Variants in IQGAP1 observed in about 807,000 individuals in gnomAD.
IQGAP1 encodes ras GTPase-activating-like protein IQGAP1.
IQGAP1 carries 66 observed loss-of-function variants against 215.6 expected under a neutral mutation model. The ratio of observed to expected loss-of-function variants is 0.31; its 90% CI spans 0.25 to 0.38. IQGAP1 has a LOEUF of 0.38. Among genes scored for constraint, IQGAP1 ranks in the 10% least tolerant of loss-of-function variants. The probability of loss-of-function intolerance (pLI) is 1.00; values close to 1 mark genes in which losing one functional copy is unlikely to be tolerated. For missense variants in IQGAP1, 1,712 were observed against 1,997.1 expected, an observed-to-expected ratio of 0.86 and a Z score of 2.72; for synonymous variants, 772 against 728.7, an observed-to-expected ratio of 1.06 and a Z score of -0.96.
At chr15:90,399,503 A>G (rs899976599) in intron 2 of IQGAP1, among the ~76,000 whole-genome samples, 1 of 151,992 alleles carries the variant, frequency 6.6e-6, no homozygotes, top group Non-Finnish European at 1.5e-5. Flanking sequence ...TGCTACAAAC[A>G]TTTTCCCTTG....
At position 90,406,210 on chromosome 15, in the gene IQGAP1, C is replaced by T. The variant is rs139182299; in HGVS notation, c.155+15337C>T. 8.5e-5 allele frequency among the ~76,000 whole-genome samples: 13 copies of T among 152,230 alleles called. No individual in the cohort carries two copies. In the East Asian group the frequency reaches 1.4e-3, roughly 16 times the overall value. ...AGATGCATAACTTATGAACACTTAGCGAGAAAAGTGATGCTTGGGAGCCAA... is the reference window on the plus strand; with the variant it reads ...AGATGCATAACTTATGAACACTTAGTGAGAAAAGTGATGCTTGGGAGCCAA... On this transcript the variant is annotated intron_variant, in intron 2 of 37. Transcript: ENST00000268182.
At chr15:90,409,202 CT>C (rs1414750306) in intron 2 of IQGAP1, among the ~76,000 whole-genome samples, 1 of 148,196 alleles carries the variant, frequency 6.7e-6, no homozygotes, top group Non-Finnish European at 1.5e-5. Flanking sequence ...GTTTTCCCCT[CT>C]TTGTTCTTTC....
intron 28 of IQGAP1, chr15:90,482,870 T>G: frequency 3.3e-6 from 1 of 298,956 alleles, no homozygotes; most frequent in Non-Finnish European, 5.1e-6. Context: ...GAACTTGGCC[T>G]TTGAAGTCTG....
chr15:90,444,279 G>A (rs201239133), intron 9 of IQGAP1, among the ~76,000 whole-genome samples: 1,786 of 72,900 alleles, frequency 0.024, 19 homozygotes, highest in African/African-American at 0.067. Context: ...GTGTGTGTGT[G>A]TATATATATA....
At chr15:90,485,986 G>T in intron 30 of IQGAP1, 44 bp from the exon 31 acceptor site, 1 of 1,430,488 alleles carries the variant, frequency 7.0e-7, no homozygotes, top group South Asian at 1.2e-5. Context: ...GGGACGGGCT[G>T]AAGAGTTGAA....
At chr15:90,482,372 G>T in intron 28 of IQGAP1, 91 bp downstream of exon 28, 1 of 1,208,510 alleles carries the variant, frequency 8.3e-7, no homozygotes, top group South Asian at 1.2e-5. Flanking sequence ...CTGCCTAAGT[G>T]TAGGTTCTGG....
chr15:90,455,848 C>T (rs750959823), intron 14 of IQGAP1, among the ~76,000 whole-genome samples: 1 of 152,182 alleles, frequency 6.6e-6, no homozygotes, highest in African/African-American at 2.4e-5. Context: ...TTACACATTC[C>T]AGTGTACCTG....
chr15:90,487,384 T>C, intron 32 of IQGAP1, 111 bp from the exon 33 acceptor site: 1 of 782,852 alleles, frequency 1.3e-6, no homozygotes, highest in East Asian at 2.6e-5. Flanking sequence ...AGCTGCCGCT[T>C]GGGACTTCTG....
At chr15:90,395,329 GT>G (rs960382150) in intron 2 of IQGAP1, among the ~76,000 whole-genome samples, 1 of 148,656 alleles carries the variant, frequency 6.7e-6, no homozygotes, top group African/African-American at 2.5e-5. Context: ...TTGTTTTTTT[GT>G]TTTTTTTTGA....
intron 34 of IQGAP1, among the ~76,000 whole-genome samples, chr15:90,492,105 TGGG>T (rs1383831057): frequency 6.6e-6 from 1 of 152,056 alleles, no homozygotes; most frequent in African/African-American, 2.4e-5. Flanking sequence ...AAGATACAAA[TGGG>T]GGAAGAAAAT....
intron 18 of IQGAP1, among the ~76,000 whole-genome samples, chr15:90,468,232 A>C (rs1283854902): frequency 1.3e-5 from 2 of 151,948 alleles, no homozygotes; most frequent in Non-Finnish European, 2.9e-5. Context: ...CACCTGGCTA[A>C]TTTTGTAATT....
intron 15 of IQGAP1, among the ~76,000 whole-genome samples, chr15:90,461,621 T>G (rs1254513945): frequency 1.3e-5 from 2 of 151,976 alleles, no homozygotes; most frequent in Non-Finnish European, 2.9e-5. Flanking sequence ...GGCGGATCAC[T>G]TGAGGTCAGG....
chr15:90,488,268 T>TAAATAAAA, intron 33 of IQGAP1, among the ~76,000 whole-genome samples: 1 of 121,412 alleles, frequency 8.2e-6, no homozygotes, highest in South Asian at 2.5e-4. Flanking sequence ...AAATAAAATG[T>TAAATAAAA]TGTAGTATTT....
intron 1 of IQGAP1, 29 bp from the exon 2 acceptor site, chr15:90,390,745 G>C (rs764740645): frequency 3.2e-5 from 45 of 1,417,746 alleles, no homozygotes; most frequent in Non-Finnish European, 1.9e-5. Context: ...ACAGATCCTG[G>C]TGTTTACATT....
chr15:90,447,360 T>G (rs1965540714), intron 9 of IQGAP1, among the ~76,000 whole-genome samples: 2 of 152,208 alleles, frequency 1.3e-5, no homozygotes, highest in Admixed American at 6.5e-5. Context: ...ATAGTTCTAG[T>G]CTCCTCATTG....
At chr15:90,497,471 G>A (rs954950848) in intron 37 of IQGAP1, 131 bp downstream of exon 37, 14 of 587,136 alleles carry the variant, frequency 2.4e-5, no homozygotes, top group African/African-American at 1.5e-4. Flanking sequence ...TCCACACTGC[G>A]GGGAAAGAAG....
At chr15:90,410,498 A>C (rs1004794849) in intron 2 of IQGAP1, among the ~76,000 whole-genome samples, 5 of 152,196 alleles carry the variant, frequency 3.3e-5, no homozygotes, top group African/African-American at 1.2e-4. Context: ...ATGGAATACT[A>C]TGAAGCCATA....
At position 90,472,953 on chromosome 15, in the gene IQGAP1, A is replaced by G. The variant is rs1376262293; in HGVS notation, c.2292A>G (p.Glu764=). 2 of 1,614,126 alleles carry G rather than the reference A, an allele frequency of 1.2e-6. No individual in the cohort carries two copies. The highest frequency in any genetic ancestry group is 1.7e-6 in the Non-Finnish European group (2 of 1,179,986). Reference sequence around the variant, plus strand: ...GCCGTGGATACTTAGTTCGACAGGAATTCCGATCCAGGATGAATTTCCTGA... The same window carrying G: ...GCCGTGGATACTTAGTTCGACAGGAGTTCCGATCCAGGATGAATTTCCTGA... ...ARCRGYLVRQ[E]FRSRMNFLKK... is the part of the protein sequence containing the mutation. The change falls in exon 19 of 38, where the codon GAA becomes GAG. Residue 764 remains glutamate, a synonymous_variant. Coordinates refer to ENST00000268182, the MANE Select transcript of IQGAP1 (RefSeq NM_003870.4).
intron 2 of IQGAP1, among the ~76,000 whole-genome samples, chr15:90,411,260 T>G (rs1964961338): frequency 6.6e-6 from 1 of 151,954 alleles, no homozygotes; most frequent in African/African-American, 2.4e-5. Context: ...TACTACGTTC[T>G]TTCTTTCTTT....
Sources: gnomAD v4.1 joint callset for allele counts (sites outside exome capture counted in the v4.1 genomes callset) on GRCh38, gnomAD v4.1.1 for gene constraint, MANE v1.5 for transcripts, NCBI Gene and HGNC (gene_info 2026-07-23, HGNC 2026-07-21) for gene names.